MYH13: variants seen among roughly 807,000 people sequenced by gnomAD.
The protein encoded by MYH13 is myosin heavy chain 13, also known as myosin-13.
In MYH13, 177 loss-of-function variants were observed where a neutral mutation model predicts 232.1. The observed-to-expected ratio is 0.76, with a 90% confidence interval of 0.67 to 0.86. The LOEUF (loss-of-function observed/expected upper bound fraction) is 0.86. Ranked by LOEUF, MYH13 falls within the 40% of genes least tolerant of loss-of-function variation. The pLI is 0.00. For synonymous variants in MYH13, 884 were observed against 923.5 expected, an observed-to-expected ratio of 0.96 and a Z score of 0.78; for missense variants, 2,246 against 2,405.9, an observed-to-expected ratio of 0.93 and a Z score of 1.39.
In MYH13 at chr17:10,327,895, TCTC is replaced by T. The variant is rs764101475; in HGVS notation, c.2659_2661del (p.Glu887del). On this transcript the variant is annotated inframe_deletion, in exon 22 of 41. Coordinates refer to ENST00000252172, the MANE Select transcript of MYH13 (RefSeq NM_003802.3). Reference sequence around the variant, plus strand: ...TGGACCTGCAATTGGAGGTCATTCTTCTCCTGCAGGAGGGAGACCATTTTCTCC... The same window carrying T: ...TGGACCTGCAATTGGAGGTCATTCTTCTGCAGGAGGGAGACCATTTTCTCC... 1 of 1,613,400 alleles carries T rather than the reference TCTC, an allele frequency of 6.2e-7. No homozygotes were observed.
rs113629946 is a variant in MYH13 at position 10,312,573 on chromosome 17, C to T, written c.4365+1G>A. 4 of 1,610,944 alleles carry T rather than the reference C, an allele frequency of 2.5e-6. No homozygotes were observed. The highest frequency in any genetic ancestry group is 3.4e-6 in the Non-Finnish European group (4 of 1,178,572). On this transcript the variant is annotated splice_donor_variant, in intron 31 of 40. Coordinates refer to ENST00000252172, the MANE Select transcript of MYH13 (RefSeq NM_003802.3). LOFTEE classifies it high-confidence loss of function. ...CACAAAGAAAGCGGCTGGGGAAGGA[C>T]CTTGTCGAAGTTCCTCTGCTTCTTG... is the stretch of plus-strand genomic sequence containing the variant.
Position 10,355,064 on chromosome 17 carries a change from T to C in MYH13, c.802+20A>G, listed in dbSNP as rs780816783. 4 of 1,607,980 alleles carry C rather than the reference T, an allele frequency of 2.5e-6. No individual in the cohort carries two copies. Among genetic ancestry groups the C allele is most frequent in the Non-Finnish European group, 1.7e-6 (2 of 1,176,676 alleles). On this transcript the variant is annotated intron_variant, in intron 9 of 40. Coordinates refer to ENST00000252172, the MANE Select transcript of MYH13 (RefSeq NM_003802.3). The stretch of plus-strand genomic sequence containing the variant: ...TTTGTGGCCAAAACACCAACGGATT[T>C]ATAGAGTGTTTGGACTCACAAGTTT...
At chr17:10,336,694 G>A (rs959911427) in intron 18 of MYH13, among the ~76,000 whole-genome samples, 4 of 152,106 alleles carry the variant, frequency 2.6e-5, no homozygotes, top group African/African-American at 2.4e-5. Context: ...CCCAGGTACC[G>A]GCCAACTTGA....
rs769977175 is a variant in MYH13 at position 10,313,208 on chromosome 17, G to A, written c.4131C>T (p.Thr1377=). 6.8e-6 allele frequency: 11 copies of A among 1,614,158 alleles called. No individual in the cohort carries two copies. The highest frequency in any genetic ancestry group is 1.6e-4 in the Middle Eastern group (1 of 6,062). ...KANSEVAQWR[T]KYETDAIQRT... is the part of the protein sequence containing the mutation. ...GCTGAATGGCGTCCGTCTCGTATTT[G>A]GTCCTCCACTGGGCAACCTCACTGT... Residue 1377 remains threonine, a synonymous_variant, in exon 30 of 41, where the codon ACC becomes ACT. Coordinates refer to ENST00000252172, the MANE Select transcript of MYH13 (RefSeq NM_003802.3).
In MYH13 at chr17:10,307,066, TA is replaced by T; in HGVS notation, c.5170-3del. ...CTTGGTATTTATCAGGCTTGTGTTC[TA>T]CAAGAAGAATTAGATATCAGGGGTG... On this transcript the variant is annotated splice_region_variant and splice_polypyrimidine_tract_variant and intron_variant, in intron 35 of 40. Coordinates refer to ENST00000252172, the MANE Select transcript of MYH13 (RefSeq NM_003802.3). 6.2e-7 allele frequency: 1 copy of T among 1,613,670 alleles called. No homozygotes were observed. Among genetic ancestry groups the T allele is most frequent in the Non-Finnish European group, 8.5e-7 (1 of 1,179,812 alleles).
At chr17:10,308,326 T>TAAA in intron 35 of MYH13, among the ~76,000 whole-genome samples, 1 of 42,290 alleles carries the variant, frequency 2.4e-5, no homozygotes, top group South Asian at 1.0e-3. Flanking sequence ...CTGCTCTGTC[T>TAAA]CAAAAAAAAA....
chr17:10,332,275 A>G, intron 19 of MYH13, 53 bp from the exon 20 acceptor site: 2 of 1,602,184 alleles, frequency 1.2e-6, no homozygotes, highest in Middle Eastern at 1.7e-4. Flanking sequence ...AAGGCTTCAT[A>G]GCTGAGACCA....
chr17:10,336,067 G>A (rs575287653), intron 18 of MYH13, among the ~76,000 whole-genome samples: 42 of 152,212 alleles, frequency 2.8e-4, no homozygotes, highest in African/African-American at 9.9e-4. Flanking sequence ...ATGGGGTGGC[G>A]GGGCACTGGG....
chr17:10,345,991 C>CAAAAAAAAAAAAAAAAAAAAA (rs1211414796), intron 13 of MYH13, among the ~76,000 whole-genome samples: 8 of 83,084 alleles, frequency 9.6e-5, no homozygotes, highest in African/African-American at 1.8e-4. Flanking sequence ...GACTCTGTCT[C>CAAAAAAAAAAAAAAAAAAAAA]AAAAAAAAAA....
rs771381262 is a variant in MYH13 at position 10,364,366 on chromosome 17, C to T, written c.165G>A (p.Arg55=). ...TCTTGACTATGACTTTGTCATTTTC[C>T]CTAGTCTGGATCATGCCTTTCACAT... The part of the protein sequence containing the change: ...EMYVKGMIQT[R]ENDKVIVKTL... The change falls in exon 3 of 41, where the codon AGG becomes AGA. Residue 55 remains arginine (R), a synonymous_variant. Transcript: ENST00000252172. The T allele has an allele frequency of 6.2e-7, 1 of 1,613,924 alleles. No individual in the cohort carries two copies. The highest frequency in any genetic ancestry group is 8.5e-7 in the Non-Finnish European group (1 of 1,179,856).
chr17:10,356,041 A>T (rs2071747196), intron 8 of MYH13, among the ~76,000 whole-genome samples: 1 of 151,628 alleles, frequency 6.6e-6, no homozygotes. Flanking sequence ...GGGAGGTAAA[A>T]TTTCATATGC....
In MYH13 at chr17:10,364,486, G is replaced by A. The variant is rs1288218893; in HGVS notation, c.45C>T (p.Pro15=). The A allele has an allele frequency of 6.2e-7, 1 of 1,609,614 alleles. No homozygotes were observed. Among genetic ancestry groups the A allele is most frequent in the African/African-American group, 1.3e-5 (1 of 74,852 alleles). Residue 15 remains proline, a synonymous_variant, in exon 3 of 41, where the codon CCC becomes CCT. Transcript: ENST00000252172. ...AEMAIFGEAA[P]YLRKPEKERI... ...TCTCCTTCTCTGGTTTCCGGAGGTA[G>A]GGAGCTGCTTCTCCAAAAATGGCCA...
intron 21 of MYH13, 88 bp downstream of exon 21, chr17:10,330,299 A>G: frequency 3.2e-6 from 5 of 1,540,526 alleles, no homozygotes; most frequent in African/African-American, 1.4e-5. Context: ...GAGCAAGCAC[A>G]TGGAAATCCC....
At chr17:10,315,485 G>C (rs189915645) in intron 29 of MYH13, among the ~76,000 whole-genome samples, 1 of 152,026 alleles carries the variant, frequency 6.6e-6, no homozygotes, top group Non-Finnish European at 1.5e-5. Flanking sequence ...TAGTGGAGAC[G>C]GGGTTTCGCC....
intron 29 of MYH13, among the ~76,000 whole-genome samples, chr17:10,313,679 A>C (rs1443817875): frequency 6.6e-6 from 1 of 152,136 alleles, no homozygotes; most frequent in African/African-American, 2.4e-5. Context: ...GCCTGCTGGG[A>C]CTCCATGCCT....
rs1906091936 is a variant in MYH13 at position 10,301,578 on chromosome 17, C to T, written c.5793G>A (p.Val1931=). Residue 1931 remains valine (V), a synonymous_variant, in exon 40 of 41, where the codon GTG becomes GTA. Coordinates refer to ENST00000252172, the MANE Select transcript of MYH13 (RefSeq NM_003802.3). ...AGGTACCTGCTCTTACCTGGCTGCC[C>T]ACGTCTCGGCTCTTGGCCCTCAGCT... ...VNKLRAKSRD[V]GSQKMEE 11 of 1,614,038 alleles carry T rather than the reference C, an allele frequency of 6.8e-6. No homozygotes were observed. The highest frequency in any genetic ancestry group is 1.3e-5 in the African/African-American group (1 of 74,924).
chr17:10,316,104 T>C (rs1906702106), intron 27 of MYH13, 79 bp from the exon 28 acceptor site: 1 of 1,487,736 alleles, frequency 6.7e-7, no homozygotes. Context: ...AGTGTAATCA[T>C]TTAGTTTCTT....
intron 5 of MYH13, 117 bp from the exon 6 acceptor site, chr17:10,360,305 C>T: frequency 1.6e-6 from 2 of 1,212,702 alleles, no homozygotes; most frequent in Non-Finnish European, 2.4e-6. Flanking sequence ...TTGCCATTAA[C>T]CACTGGTATG....
chr17:10,333,032 G>T, intron 19 of MYH13, 42 bp downstream of exon 19: 1 of 1,429,932 alleles, frequency 7.0e-7, no homozygotes, highest in Non-Finnish European at 9.6e-7. Flanking sequence ...TGCAAAAGGT[G>T]CCCTCGGAAG....
Sources: gnomAD v4.1 joint callset for allele counts (sites outside exome capture counted in the v4.1 genomes callset) on GRCh38, gnomAD v4.1.1 for gene constraint, MANE v1.5 for transcripts, NCBI Gene and HGNC (gene_info 2026-07-23, HGNC 2026-07-21) for gene names.